The following XYLT1 variants were observed in gnomAD, a reference collection of about 807,000 sequenced individuals.
XYLT1 encodes xylosyltransferase 1.
In XYLT1, 36 loss-of-function variants were observed where a neutral mutation model predicts 91.3. The ratio of observed to expected loss-of-function variants is 0.39; its 90% CI spans 0.30 to 0.52. XYLT1 has a LOEUF of 0.52. Ranked by LOEUF, XYLT1 falls within the 20% of genes least tolerant of loss-of-function variation. The probability of loss-of-function intolerance (pLI) is 0.68; values close to 1 mark genes in which losing one functional copy is unlikely to be tolerated. For missense variants in XYLT1, 1,242 were observed against 1,284.5 expected (o/e 0.97, Z 0.51); for synonymous variants, 588 against 532.0 (o/e 1.11, Z -1.45).
intron 10 of XYLT1, among the ~76,000 whole-genome samples, chr16:17,118,361 T>C (rs1158677929): frequency 6.6e-6 from 1 of 152,156 alleles, no homozygotes; most frequent in African/African-American, 2.4e-5. Context: ...ACTCAACAGG[T>C]ACAGCGGGTT....
chr16:17,277,309 C>T (rs959388594), intron 2 of XYLT1, among the ~76,000 whole-genome samples: 2 of 151,698 alleles, frequency 1.3e-5, no homozygotes, highest in Admixed American at 6.6e-5. Flanking sequence ...GACCACTTCA[C>T]CCAGGTAGTG....
rs112216252 is a variant in XYLT1 at position 17,135,563 on chromosome 16, CAAAAAA to C, written c.1765-834_1765-829del. On this transcript the variant is annotated intron_variant, in intron 8 of 11. Transcript: ENST00000261381. ...GAGTCAATAGCTCTGGAGTGTAGCT[CAAAAAA>C]AAAAAAAAAAAATTCCCAGGTGATT... Among the ~76,000 whole-genome samples the C allele has an allele frequency of 3.3e-4, 39 of 117,124 alleles. 1 individual carries two copies. The highest frequency in any genetic ancestry group is 9.6e-4 in the African/African-American group (32 of 33,204). The allele number at this position is 117,124 out of a possible 152,430, so 76.8% of individuals were successfully genotyped here.
At chr16:17,232,920 C>T (rs1454146070) in intron 3 of XYLT1, among the ~76,000 whole-genome samples, 1 of 152,056 alleles carries the variant, frequency 6.6e-6, no homozygotes, top group Non-Finnish European at 1.5e-5. Context: ...AAGACTACGA[C>T]GTTTTCACTG....
chr16:17,469,222 T>A (rs2036944368), intron 1 of XYLT1, among the ~76,000 whole-genome samples: 1 of 152,218 alleles, frequency 6.6e-6, no homozygotes, highest in Admixed American at 6.5e-5. Context: ...AAGGCAGTCT[T>A]CAGTGAGGAC....
chr16:17,135,762 G>A (rs1185312236), intron 8 of XYLT1, among the ~76,000 whole-genome samples: 4 of 152,178 alleles, frequency 2.6e-5, no homozygotes, highest in Non-Finnish European at 5.9e-5. Context: ...GCTACCAGGT[G>A]TTATACTTTA....
At chr16:17,356,562 G>C (rs956761274) in intron 2 of XYLT1, among the ~76,000 whole-genome samples, 1 of 152,084 alleles carries the variant, frequency 6.6e-6, no homozygotes, top group Non-Finnish European at 1.5e-5. Context: ...CCTCTTAGGA[G>C]AACCCAAGCA....
chr16:17,256,649 G>GAAAAA (rs374567962), intron 3 of XYLT1, among the ~76,000 whole-genome samples: 1 of 114,240 alleles, frequency 8.8e-6, no homozygotes, highest in African/African-American at 3.8e-5. Flanking sequence ...ACTCCGTCTC[G>GAAAAA]AAAAAAAAAA....
At chr16:17,210,599 ATAAGGTCTCCC>A (rs1321895807) in intron 3 of XYLT1, among the ~76,000 whole-genome samples, 1 of 151,832 alleles carries the variant, frequency 6.6e-6, no homozygotes, top group Non-Finnish European at 1.5e-5. Context: ...ATTTGTAGAG[ATAAGGTCTCCC>A]TATGTTGCCC....
chr16:17,111,320 T>C (rs1966840384), intron 11 of XYLT1, among the ~76,000 whole-genome samples: 1 of 152,206 alleles, frequency 6.6e-6, no homozygotes, highest in Non-Finnish European at 1.5e-5. Flanking sequence ...TTCTATTATT[T>C]CTAATAGATG....
intron 2 of XYLT1, among the ~76,000 whole-genome samples, chr16:17,334,381 C>G (rs1294810238): frequency 2.0e-5 from 3 of 152,102 alleles, no homozygotes; most frequent in South Asian, 2.1e-4. Context: ...TTCTCTACAG[C>G]CAGGGCCTTT....
intron 1 of XYLT1, among the ~76,000 whole-genome samples, chr16:17,422,537 T>C (rs1375858208): frequency 6.6e-6 from 1 of 151,194 alleles, no homozygotes. Flanking sequence ...GGAGACAGAG[T>C]CTTACTCTGT....
At chr16:17,419,777 C>G (rs918551797) in intron 1 of XYLT1, among the ~76,000 whole-genome samples, 1 of 152,162 alleles carries the variant, frequency 6.6e-6, no homozygotes, top group African/African-American at 2.4e-5. Flanking sequence ...CCATGGACCT[C>G]TTTTTCCTTC....
At chr16:17,143,480 G>A (rs1356448622) in intron 6 of XYLT1, among the ~76,000 whole-genome samples, 2 of 152,136 alleles carry the variant, frequency 1.3e-5, no homozygotes, top group Non-Finnish European at 2.9e-5. Flanking sequence ...CCTTACACAC[G>A]ACCAGGACTC....
At chr16:17,433,546 C>T (rs901219689) in intron 1 of XYLT1, among the ~76,000 whole-genome samples, 2 of 152,168 alleles carry the variant, frequency 1.3e-5, no homozygotes, top group African/African-American at 2.4e-5. Context: ...ATGGTAGCAG[C>T]CAGCTCAGGG....
intron 1 of XYLT1, chr16:17,446,424 C>T (rs2141946175): frequency 6.6e-6 from 1 of 152,334 alleles, no homozygotes; most frequent in South Asian, 2.1e-4. Flanking sequence ...AGATGGCACA[C>T]TGAGGCAGAG....
At chr16:17,419,238 A>G (rs2036219542) in intron 1 of XYLT1, among the ~76,000 whole-genome samples, 1 of 151,740 alleles carries the variant, frequency 6.6e-6, no homozygotes, top group Non-Finnish European at 1.5e-5. Flanking sequence ...GCTAGTCGGG[A>G]GTCTGAGGTG....
chr16:17,269,411 T>C (rs1252134569), intron 2 of XYLT1, among the ~76,000 whole-genome samples: 1 of 151,978 alleles, frequency 6.6e-6, no homozygotes, highest in African/African-American at 2.4e-5. Context: ...CTCAAACTCC[T>C]AGGCTCAGGC....
intron 3 of XYLT1, among the ~76,000 whole-genome samples, chr16:17,204,679 G>C (rs564325397): frequency 6.6e-6 from 1 of 152,260 alleles, no homozygotes; most frequent in Admixed American, 6.5e-5. Context: ...TGAAAACAGA[G>C]CTATTATCTT....
intron 1 of XYLT1, among the ~76,000 whole-genome samples, chr16:17,387,027 G>A (rs980243255): frequency 7.2e-5 from 11 of 152,112 alleles, no homozygotes; most frequent in Non-Finnish European, 4.4e-5. Flanking sequence ...ACTCAGAGGA[G>A]GATGATAAAT....
Sources: allele counts gnomAD v4.1 joint callset (sites outside exome capture counted in the v4.1 genomes callset), GRCh38; gene constraint gnomAD v4.1.1; transcripts MANE v1.5; gene names NCBI Gene and HGNC (gene_info 2026-07-23, HGNC 2026-07-21).